Variants in GMDS observed in about 807,000 individuals in gnomAD.
GMDS encodes the protein GDP-mannose 4,6-dehydratase.
Under a neutral mutation model 49.9 loss-of-function variants are expected in GMDS, and 20 were observed. That is an observed-to-expected ratio of 0.40 (90% CI 0.28 to 0.58). The LOEUF is 0.58. Among genes scored for constraint, GMDS ranks in the 20% least tolerant of loss-of-function variants. GMDS has a pLI of 0.42. For synonymous variants in GMDS, 177 were observed against 178.6 expected, an observed-to-expected ratio of 0.99 and a Z score of 0.07; for missense variants, 362 against 481.4, an observed-to-expected ratio of 0.75 and a Z score of 2.32.
chr6:2,112,270 G>A (rs1395756681), intron 4 of GMDS, among the ~76,000 whole-genome samples: 2 of 152,138 alleles, frequency 1.3e-5, no homozygotes, highest in African/African-American at 2.4e-5. Context: ...GACTGCAGAC[G>A]TAGTTTTGGG....
At chr6:2,073,163 T>C (rs889288337) in intron 4 of GMDS, among the ~76,000 whole-genome samples, 2 of 152,210 alleles carry the variant, frequency 1.3e-5, no homozygotes, top group East Asian at 3.9e-4. Context: ...AATGCACCAG[T>C]GCGCCTTGGC....
chr6:1,741,527 T>C (rs956134640), intron 8 of GMDS, among the ~76,000 whole-genome samples: 1 of 152,126 alleles, frequency 6.6e-6, no homozygotes, highest in Non-Finnish European at 1.5e-5. Flanking sequence ...TAAGATGTTT[T>C]TGGCCAGGCG....
intron 4 of GMDS, among the ~76,000 whole-genome samples, chr6:2,055,307 A>AAAGGAT (rs750231790): frequency 1.3e-5 from 2 of 152,100 alleles, no homozygotes; most frequent in African/African-American, 2.4e-5. Context: ...TATTTCCCTA[A>AAAGGAT]AAGGATATAA....
intron 4 of GMDS, among the ~76,000 whole-genome samples, chr6:2,109,673 C>A (rs1774436377): frequency 6.6e-6 from 1 of 152,182 alleles, no homozygotes; most frequent in African/African-American, 2.4e-5. Flanking sequence ...GATTTGATAA[C>A]CTTGCCTGGA....
intron 4 of GMDS, among the ~76,000 whole-genome samples, chr6:1,990,221 G>A (rs530418346): frequency 2.0e-5 from 3 of 152,252 alleles, no homozygotes; most frequent in East Asian, 1.9e-4. Context: ...GCTTGAACCC[G>A]GGAGGCGGAG....
chr6:2,020,330 A>G (rs955208459), intron 4 of GMDS, among the ~76,000 whole-genome samples: 10 of 151,800 alleles, frequency 6.6e-5, no homozygotes, highest in Non-Finnish European at 1.0e-4. Flanking sequence ...TAAATTAAAT[A>G]AATTAAAAAA....
chr6:1,718,889 T>C (rs1475287374), intron 9 of GMDS, among the ~76,000 whole-genome samples: 2 of 152,054 alleles, frequency 1.3e-5, no homozygotes, highest in Non-Finnish European at 2.9e-5. Context: ...ATCTAAAATA[T>C]TCCTGTAATA....
intron 8 of GMDS, among the ~76,000 whole-genome samples, chr6:1,736,279 T>G (rs1200323152): frequency 6.6e-6 from 1 of 152,128 alleles, no homozygotes; most frequent in East Asian, 1.9e-4. Context: ...ATCTTAGAAG[T>G]TCAGAAACAT....
chr6:1,810,144 A>C (rs1770356709), intron 7 of GMDS, among the ~76,000 whole-genome samples: 1 of 152,086 alleles, frequency 6.6e-6, no homozygotes, highest in Admixed American at 6.6e-5. Context: ...CACATTCCAG[A>C]GGAGAGGGAG....
chr6:1,838,205 CTAAT>C (rs575270494), intron 7 of GMDS, among the ~76,000 whole-genome samples: 313 of 152,324 alleles, frequency 2.1e-3, no homozygotes, highest in African/African-American at 6.0e-3. Context: ...AATTTGCAAA[CTAAT>C]TACTTAGAGC....
intron 9 of GMDS, among the ~76,000 whole-genome samples, chr6:1,682,463 T>C (rs1422078814): frequency 1.3e-5 from 2 of 152,178 alleles, no homozygotes; most frequent in Non-Finnish European, 2.9e-5. Flanking sequence ...GCTGGTGCCA[T>C]TGCCACTGGG....
intron 7 of GMDS, among the ~76,000 whole-genome samples, chr6:1,848,474 A>G (rs1490958198): frequency 6.6e-6 from 1 of 152,032 alleles, no homozygotes; most frequent in Non-Finnish European, 1.5e-5. Context: ...AACTCTCGTC[A>G]CCTCTCTTGA....
At chr6:2,050,726 A>G (rs1168994894) in intron 4 of GMDS, among the ~76,000 whole-genome samples, 1 of 152,236 alleles carries the variant, frequency 6.6e-6, no homozygotes, top group Non-Finnish European at 1.5e-5. Context: ...GGTTCAACAT[A>G]CGCAAATCAA....
chr6:1,777,510 A>G (rs536311810), intron 7 of GMDS, among the ~76,000 whole-genome samples: 16 of 152,374 alleles, frequency 1.1e-4, no homozygotes, highest in Admixed American at 8.5e-4. Context: ...CACACACACC[A>G]GCTCCATCTG....
At chr6:1,997,178 G>A (rs1414787253) in intron 4 of GMDS, among the ~76,000 whole-genome samples, 1 of 152,016 alleles carries the variant, frequency 6.6e-6, no homozygotes, top group Non-Finnish European at 1.5e-5. Flanking sequence ...TAAGACCTGA[G>A]GAAGGAATAG....
intron 4 of GMDS, among the ~76,000 whole-genome samples, chr6:2,065,019 T>C (rs149020863): frequency 0.027 from 4,173 of 152,060 alleles, 162 homozygotes; most frequent in East Asian, 0.11. Flanking sequence ...ACTTAAATGT[T>C]ACTGTCTGAC....
chr6:2,150,041 C>T (rs1581715909), intron 1 of GMDS, among the ~76,000 whole-genome samples: 2 of 152,092 alleles, frequency 1.3e-5, no homozygotes, highest in Admixed American at 1.3e-4. Context: ...ATGCTCAAGG[C>T]AAACACTGCC....
At chr6:1,936,822 C>T (rs1476166348) in intron 6 of GMDS, among the ~76,000 whole-genome samples, 1 of 151,944 alleles carries the variant, frequency 6.6e-6, no homozygotes, top group Non-Finnish European at 1.5e-5. Context: ...CAAAAATTAG[C>T]CAGGTGTGGT....
chr6:2,104,283 GA>G (rs1774093977), intron 4 of GMDS, among the ~76,000 whole-genome samples: 1 of 152,218 alleles, frequency 6.6e-6, no homozygotes, highest in Admixed American at 6.5e-5. Flanking sequence ...GATTTGTCCA[GA>G]AATTCAGTGT....
Sources: allele counts gnomAD v4.1 joint callset (sites outside exome capture counted in the v4.1 genomes callset), GRCh38; gene constraint gnomAD v4.1.1; transcripts MANE v1.5; gene names NCBI Gene and HGNC (gene_info 2026-07-23, HGNC 2026-07-21).